Variants in CSMD1 observed in about 807,000 individuals in gnomAD.
The protein encoded by CSMD1 is CUB and sushi domain-containing protein 1.
Under a neutral mutation model 417.5 loss-of-function variants are expected in CSMD1, and 213 were observed. The ratio of observed to expected loss-of-function variants is 0.51; its 90% confidence interval spans 0.46 to 0.57. The LOEUF is 0.57. CSMD1 is among the 20% of genes least tolerant of loss of function. The pLI is 0.00. For missense variants in CSMD1, 6,923 were observed against 4,529.7 expected, an observed-to-expected ratio of 1.53 and a Z score of -15.17; for synonymous variants, 2,862 against 1,736.8, an observed-to-expected ratio of 1.65 and a Z score of -16.11.
At chr8:3,987,662 G>C (rs1183644559) in intron 5 of CSMD1, among the ~76,000 whole-genome samples, 1 of 152,212 alleles carries the variant, frequency 6.6e-6, no homozygotes, top group Non-Finnish European at 1.5e-5. Flanking sequence ...AGAAGAGACA[G>C]TTCCCAGACA....
At chr8:3,404,461 G>A (rs572135596) in intron 15 of CSMD1, among the ~76,000 whole-genome samples, 1 of 152,104 alleles carries the variant, frequency 6.6e-6, no homozygotes, top group Non-Finnish European at 1.5e-5. Flanking sequence ...GGTTGTCATG[G>A]AGGAGTTTAA....
intron 11 of CSMD1, among the ~76,000 whole-genome samples, chr8:3,478,569 G>A (rs947220274): frequency 2.6e-5 from 4 of 152,192 alleles, no homozygotes; most frequent in African/African-American, 9.7e-5. Flanking sequence ...AGCAGAGCAT[G>A]GGGTGACTTG....
chr8:2,938,987 C>T (rs1292677290), intron 69 of CSMD1, among the ~76,000 whole-genome samples: 1 of 152,112 alleles, frequency 6.6e-6, no homozygotes, highest in African/African-American at 2.4e-5. Context: ...TTTTTTGAGA[C>T]AGGGTCTCAC....
At chr8:3,217,248 C>T (rs998237934) in intron 29 of CSMD1, among the ~76,000 whole-genome samples, 2 of 152,272 alleles carry the variant, frequency 1.3e-5, no homozygotes, top group Non-Finnish European at 2.9e-5. Context: ...TTCCTATTCT[C>T]TTTCCTGTGA....
chr8:4,043,914 T>C (rs1220071621), intron 3 of CSMD1, among the ~76,000 whole-genome samples: 3 of 152,204 alleles, frequency 2.0e-5, no homozygotes, highest in Non-Finnish European at 2.9e-5. Context: ...TGAATCTGTA[T>C]AGACCTATGA....
chr8:3,717,987 C>T (rs2623556), intron 6 of CSMD1, among the ~76,000 whole-genome samples: 54,843 of 152,000 alleles, frequency 0.36, 10,351 homozygotes, highest in East Asian at 0.5. Context: ...GTTTACTTCA[C>T]CTGATGTAAA....
intron 3 of CSMD1, among the ~76,000 whole-genome samples, chr8:4,396,409 G>A (rs1804216814): frequency 6.6e-6 from 1 of 152,132 alleles, no homozygotes; most frequent in African/African-American, 2.4e-5. Flanking sequence ...AGAGGTTTCA[G>A]TGAACCAAGA....
At chr8:4,462,724 A>G (rs1799911216) in intron 2 of CSMD1, among the ~76,000 whole-genome samples, 1 of 152,178 alleles carries the variant, frequency 6.6e-6, no homozygotes, top group African/African-American at 2.4e-5. Context: ...AGATGCCAAA[A>G]CAATCAAGAA....
chr8:4,203,380 G>T (rs142852684), intron 3 of CSMD1, among the ~76,000 whole-genome samples: 15 of 152,236 alleles, frequency 9.9e-5, no homozygotes, highest in African/African-American at 3.6e-4. Context: ...GAAATATGAG[G>T]TGAGATCTTT....
chr8:4,152,152 T>C (rs1023494321), intron 3 of CSMD1, among the ~76,000 whole-genome samples: 6 of 152,192 alleles, frequency 3.9e-5, no homozygotes, highest in South Asian at 2.1e-4. Context: ...TTGTTTGAAA[T>C]TGGATAATTT....
intron 7 of CSMD1, among the ~76,000 whole-genome samples, chr8:3,683,279 C>T (rs1357912796): frequency 6.6e-6 from 1 of 151,816 alleles, no homozygotes; most frequent in Non-Finnish European, 1.5e-5. Flanking sequence ...TGTGAATAGC[C>T]TGTGGACCCA....
intron 6 of CSMD1, among the ~76,000 whole-genome samples, chr8:3,735,094 G>C (rs912605835): frequency 6.6e-6 from 1 of 152,184 alleles, no homozygotes; most frequent in Non-Finnish European, 1.5e-5. Flanking sequence ...ACAACGATGT[G>C]AAACAGGTAC....
At chr8:4,132,345 T>C (rs1410790578) in intron 3 of CSMD1, among the ~76,000 whole-genome samples, 1 of 152,148 alleles carries the variant, frequency 6.6e-6, no homozygotes, top group Non-Finnish European at 1.5e-5. Flanking sequence ...AAATGTCCTT[T>C]TCTGTATTTC....
chr8:4,989,215 C>A (rs1363466400), intron 1 of CSMD1, among the ~76,000 whole-genome samples: 1 of 152,110 alleles, frequency 6.6e-6, no homozygotes, highest in East Asian at 1.9e-4. Context: ...TTCAGTAGAG[C>A]CGAAACATCT....
At chr8:2,989,692 T>A (rs1185544901) in intron 54 of CSMD1, among the ~76,000 whole-genome samples, 1 of 152,176 alleles carries the variant, frequency 6.6e-6, no homozygotes, top group African/African-American at 2.4e-5. Context: ...TATGAGGTGT[T>A]TTTAATTTCT....
intron 49 of CSMD1, among the ~76,000 whole-genome samples, chr8:3,074,686 G>A (rs1813524048): frequency 6.6e-6 from 1 of 152,164 alleles, no homozygotes; most frequent in African/African-American, 2.4e-5. Context: ...CTAATAGTTA[G>A]AAACGACATA....
intron 4 of CSMD1, among the ~76,000 whole-genome samples, chr8:4,002,177 G>A (rs868346755): frequency 6.6e-6 from 1 of 152,018 alleles, no homozygotes; most frequent in African/African-American, 2.4e-5. Context: ...AGCACAGAAT[G>A]AGGCAAAATT....
At chr8:4,528,050 T>C (rs1163680249) in intron 2 of CSMD1, among the ~76,000 whole-genome samples, 3 of 152,218 alleles carry the variant, frequency 2.0e-5, no homozygotes. Context: ...CATCAAAGCC[T>C]AGAGCCTTTC....
chr8:4,309,617 A>G (rs751597446), intron 3 of CSMD1, among the ~76,000 whole-genome samples: 4 of 151,950 alleles, frequency 2.6e-5, no homozygotes, highest in Admixed American at 6.6e-5. Context: ...TTTTAGTACA[A>G]CTCCCTTGGG....
Sources: gnomAD v4.1 joint callset for allele counts (sites outside exome capture counted in the v4.1 genomes callset) on GRCh38, gnomAD v4.1.1 for gene constraint, MANE v1.5 for transcripts, NCBI Gene and HGNC (gene_info 2026-07-23, HGNC 2026-07-21) for gene names.